PRKCA: variants seen among roughly 807,000 people sequenced by gnomAD.
PRKCA encodes protein kinase C alpha type.
PRKCA carries 27 observed loss-of-function variants against 87.0 expected under a neutral mutation model. That is an observed-to-expected ratio of 0.31 (90% CI 0.23 to 0.43). PRKCA has a LOEUF of 0.43. Ranked by LOEUF, PRKCA falls within the 20% of genes least tolerant of loss-of-function variation. PRKCA has a pLI of 1.00. For missense variants in PRKCA, 518 were observed against 852.3 expected (o/e 0.61, Z 4.88); for synonymous variants, 329 against 311.1 (o/e 1.06, Z -0.61).
chr17:66,486,180 A>G (rs1014584033), intron 2 of PRKCA, among the ~76,000 whole-genome samples: 4 of 152,298 alleles, frequency 2.6e-5, no homozygotes, highest in East Asian at 3.9e-4. Flanking sequence ...GATTTGTCAT[A>G]TACTTATCTT....
At chr17:66,499,772 A>AT (rs1236715410) in intron 3 of PRKCA, among the ~76,000 whole-genome samples, 6 of 152,110 alleles carry the variant, frequency 3.9e-5, no homozygotes, top group African/African-American at 7.2e-5. Flanking sequence ...GATTAGATGA[A>AT]TTTTTTTTAA....
intron 6 of PRKCA, among the ~76,000 whole-genome samples, chr17:66,688,089 T>C (rs1418351405): frequency 6.6e-6 from 1 of 152,226 alleles, no homozygotes; most frequent in Non-Finnish European, 1.5e-5. Context: ...ACTTTATTTA[T>C]AAAAATAGAC....
At chr17:66,529,767 G>A (rs16959526) in intron 3 of PRKCA, among the ~76,000 whole-genome samples, 21,333 of 152,056 alleles carry the variant, frequency 0.14, 1,778 homozygotes, top group East Asian at 0.28. Context: ...ATGAGTCCTC[G>A]TGCTAAGTCC....
At chr17:66,608,646 A>G (rs899947363) in intron 3 of PRKCA, among the ~76,000 whole-genome samples, 2 of 152,180 alleles carry the variant, frequency 1.3e-5, no homozygotes, top group African/African-American at 4.8e-5. Flanking sequence ...ACAAACAAAA[A>G]TCCTCCAGTT....
chr17:66,419,342 A>C (rs1912358145), intron 2 of PRKCA, among the ~76,000 whole-genome samples: 1 of 152,164 alleles, frequency 6.6e-6, no homozygotes, highest in Non-Finnish European at 1.5e-5. Flanking sequence ...AGTACCCTTT[A>C]ATACATGTAC....
At chr17:66,522,409 T>C (rs8080727) in intron 3 of PRKCA, among the ~76,000 whole-genome samples, 49,141 of 152,074 alleles carry the variant, frequency 0.32, 8,182 homozygotes, top group South Asian at 0.49. Flanking sequence ...CTCTTGTCAG[T>C]TGGCAGGACC....
intron 12 of PRKCA, 130 bp from the exon 13 acceptor site, chr17:66,742,492 A>G: frequency 2.1e-6 from 2 of 946,858 alleles, no homozygotes; most frequent in South Asian, 1.6e-5. Context: ...CTGATACTAC[A>G]GTCCAGGGAC....
chr17:66,745,445 C>T (rs568556670), intron 13 of PRKCA, among the ~76,000 whole-genome samples: 29 of 151,766 alleles, frequency 1.9e-4, no homozygotes, highest in Non-Finnish European at 3.8e-4. Context: ...CTTTGGGAGG[C>T]CAAGGCAGGT....
Position 66,742,724 on chromosome 17 carries a change from G to A in PRKCA, c.1488G>A (p.Arg496=). 1.2e-6 allele frequency: 2 copies of A among 1,614,164 alleles called. No homozygotes were observed. The highest frequency in any genetic ancestry group is 2.2e-5 in the South Asian group (2 of 91,086). ...KEHMMDGVTT[R]TFCGTPDYIA... is the part of the protein sequence containing the mutation. ...ACATGATGGATGGAGTCACGACCAG[G>A]ACCTTCTGTGGGACTCCAGATTATA... The change falls in exon 13 of 17, where the codon AGG becomes AGA. Residue 496 remains arginine, a synonymous_variant. Coordinates refer to ENST00000413366, the MANE Select transcript of PRKCA (RefSeq NM_002737.3).
intron 3 of PRKCA, among the ~76,000 whole-genome samples, chr17:66,641,123 A>C (rs1254855638): frequency 6.6e-6 from 1 of 150,478 alleles, no homozygotes. Context: ...GCGCCACTGC[A>C]CTCCAGCCTG....
intron 3 of PRKCA, among the ~76,000 whole-genome samples, chr17:66,573,002 T>A (rs1200761131): frequency 1.3e-5 from 2 of 152,094 alleles, no homozygotes; most frequent in Non-Finnish European, 2.9e-5. Context: ...CTTGGGAACT[T>A]TTAAAAGTAT....
intron 3 of PRKCA, among the ~76,000 whole-genome samples, chr17:66,572,757 A>G (rs1438866900): frequency 7.2e-5 from 11 of 152,114 alleles, no homozygotes; most frequent in Non-Finnish European, 1.5e-4. Flanking sequence ...TTGGCCTCCT[A>G]AAGTCCTGGG....
At chr17:66,729,159 AC>A (rs1278884087) in intron 8 of PRKCA, among the ~76,000 whole-genome samples, 3 of 152,232 alleles carry the variant, frequency 2.0e-5, no homozygotes, top group Non-Finnish European at 2.9e-5. Context: ...CACCTGTAAT[AC>A]CAGCACTTTG....
At chr17:66,798,370 T>C (rs1435409236) in intron 16 of PRKCA, among the ~76,000 whole-genome samples, 2 of 103,828 alleles carry the variant, frequency 1.9e-5, no homozygotes, top group Non-Finnish European at 4.1e-5. Flanking sequence ...CTTATCTTTT[T>C]CAGTAGGCGG....
At chr17:66,464,201 G>C (rs1353434853) in intron 2 of PRKCA, among the ~76,000 whole-genome samples, 1 of 151,974 alleles carries the variant, frequency 6.6e-6, no homozygotes, top group Admixed American at 6.6e-5. Flanking sequence ...TCTTTTCGTG[G>C]CTGGATGGCT....
rs182348949 is a variant in PRKCA at position 66,809,338 on chromosome 17, A to T, written c.*5301A>T. ...GACAGTTAATAACCGTGGAGGTCAC[A>T]CTCAGCCATCCAACAGCCTTACAGT... is the stretch of plus-strand genomic sequence containing the variant. On this transcript the variant is annotated 3_prime_UTR_variant, in exon 17 of 17. Transcript: ENST00000413366. The T allele has an allele frequency of 1.1e-4, 17 of 152,700 alleles. No individual in the cohort carries two copies. The East Asian group carries it at 3.3e-3, about 29-fold the overall frequency. 9.5% of individuals were successfully genotyped at this position (152,700 alleles called of 1,614,324 possible).
At chr17:66,685,939 T>C (rs1214274300) in intron 5 of PRKCA, among the ~76,000 whole-genome samples, 2 of 152,226 alleles carry the variant, frequency 1.3e-5, no homozygotes, top group Non-Finnish European at 2.9e-5. Flanking sequence ...AGAGTTCTGA[T>C]TCAGGAGGTG....
intron 2 of PRKCA, among the ~76,000 whole-genome samples, chr17:66,434,469 G>A (rs1913263353): frequency 6.6e-6 from 1 of 152,206 alleles, no homozygotes; most frequent in Admixed American, 6.5e-5. Flanking sequence ...CTGTCCTTGG[G>A]TGAACAGGGA....
At chr17:66,496,684 C>A (rs1448689012) in intron 3 of PRKCA, among the ~76,000 whole-genome samples, 1 of 139,860 alleles carries the variant, frequency 7.2e-6, no homozygotes. Flanking sequence ...CACTCTGTTG[C>A]CCAGGCTGGA....
Sources: gnomAD v4.1 joint callset for allele counts (sites outside exome capture counted in the v4.1 genomes callset) on GRCh38, gnomAD v4.1.1 for gene constraint, MANE v1.5 for transcripts, NCBI Gene and HGNC (gene_info 2026-07-23, HGNC 2026-07-21) for gene names.